C12orf54: variants seen among roughly 807,000 people sequenced by gnomAD.
C12orf54 encodes the protein uncharacterized protein C12orf54.
In C12orf54, 24 loss-of-function variants were observed where a neutral mutation model predicts 26.4. The observed-to-expected ratio is 0.91, with a 90% CI of 0.66 to 1.28. The LOEUF (loss-of-function observed/expected upper bound fraction) is 1.28, where lower values mean the gene tolerates loss of function less well. Among genes scored for constraint, C12orf54 ranks in the 50% most tolerant of loss-of-function variants. The probability of loss-of-function intolerance (pLI) is 0.00; values close to 1 mark genes in which losing one functional copy is unlikely to be tolerated. For missense variants in C12orf54, 154 were observed against 150.9 expected (o/e 1.02, Z -0.11); for synonymous variants, 54 against 47.0 (o/e 1.15, Z -0.61).
intron 8 of C12orf54, 65 bp downstream of exon 8, chr12:48,495,044 A>G (rs1250789790): frequency 1.7e-5 from 21 of 1,217,050 alleles, no homozygotes; most frequent in Admixed American, 4.1e-5. Flanking sequence ...TCAGGAACCC[A>G]GGCCTCTTAG....
At chr12:48,453,404 G>A in the C12orf54 span, among the ~76,000 whole-genome samples, 1 of 151,172 alleles carries the variant, frequency 6.6e-6, no homozygotes, top group Non-Finnish European at 1.5e-5. Flanking sequence ...CTTAATACCT[G>A]GGTGATGAGA....
At chr12:48,464,174 A>G in the C12orf54 span, among the ~76,000 whole-genome samples, 10 of 152,144 alleles carry the variant, frequency 6.6e-5, no homozygotes, top group South Asian at 2.1e-4. Context: ...ATATTTAGAA[A>G]ACCCTATAGT....
At chr12:48,489,403 A>G (rs958447091) in intron 5 of C12orf54, 3 of 281,626 alleles carry the variant, frequency 1.1e-5, no homozygotes, top group African/African-American at 2.2e-5. Context: ...CTCTTCTTCT[A>G]TAGATTTCAG....
the C12orf54 span, among the ~76,000 whole-genome samples, chr12:48,439,780 G>T: frequency 6.6e-6 from 1 of 152,044 alleles, no homozygotes; most frequent in Non-Finnish European, 1.5e-5. Flanking sequence ...ATAGCATTAG[G>T]AGATATACCT....
the C12orf54 span, among the ~76,000 whole-genome samples, chr12:48,451,224 A>T: frequency 6.6e-6 from 1 of 152,180 alleles, no homozygotes; most frequent in East Asian, 1.9e-4. Flanking sequence ...GAGAATTAAG[A>T]CAAAAACCAC....
At chr12:48,461,462 T>A in the C12orf54 span, among the ~76,000 whole-genome samples, 1 of 151,906 alleles carries the variant, frequency 6.6e-6, no homozygotes, top group African/African-American at 2.4e-5. Flanking sequence ...ATGGAATATT[T>A]TCTGAGAGAG....
chr12:48,468,526 T>C, the C12orf54 span, among the ~76,000 whole-genome samples: 4 of 152,252 alleles, frequency 2.6e-5, no homozygotes, highest in East Asian at 1.9e-4. Context: ...ACACATTTTA[T>C]GTATAAAGAT....
chr12:48,475,963 A>C, the C12orf54 span, among the ~76,000 whole-genome samples: 1 of 151,814 alleles, frequency 6.6e-6, no homozygotes, highest in Non-Finnish European at 1.5e-5. Flanking sequence ...CCAAAGTTGA[A>C]ATGAAGGAAA....
At chr12:48,464,092 G>A in the C12orf54 span, among the ~76,000 whole-genome samples, 1 of 152,030 alleles carries the variant, frequency 6.6e-6, no homozygotes. Context: ...TCAGGAAAGA[G>A]AAAGAAATAA....
the C12orf54 span, among the ~76,000 whole-genome samples, chr12:48,456,479 G>A: frequency 2.0e-5 from 3 of 152,186 alleles, no homozygotes; most frequent in African/African-American, 7.2e-5. Context: ...AACCAGTTTA[G>A]TAAAGGAAGA....
At chr12:48,452,056 G>T in the C12orf54 span, among the ~76,000 whole-genome samples, 2 of 152,104 alleles carry the variant, frequency 1.3e-5, no homozygotes, top group African/African-American at 4.8e-5. Context: ...AACAAAGCTG[G>T]AAGTATCACT....
chr12:48,416,076 C>A, the C12orf54 span, among the ~76,000 whole-genome samples: 1 of 152,160 alleles, frequency 6.6e-6, no homozygotes, highest in African/African-American at 2.4e-5. Context: ...AAAACATATT[C>A]CAAATTTCTC....
intron 4 of C12orf54, chr12:48,487,905 A>T: frequency 1.7e-6 from 1 of 590,608 alleles, no homozygotes; most frequent in Middle Eastern, 4.5e-4. Flanking sequence ...TGGTTTTATA[A>T]GAAACTGCCA....
chr12:48,443,268 T>C, the C12orf54 span, among the ~76,000 whole-genome samples: 4 of 152,250 alleles, frequency 2.6e-5, no homozygotes, highest in East Asian at 1.9e-4. Flanking sequence ...AATGATCTAA[T>C]AGGGAGAGAT....
the C12orf54 span, among the ~76,000 whole-genome samples, chr12:48,431,610 C>A: frequency 6.6e-6 from 1 of 152,044 alleles, no homozygotes; most frequent in African/African-American, 2.4e-5. Flanking sequence ...AAAAAATTTT[C>A]TCAACAAGAC....
the C12orf54 span, among the ~76,000 whole-genome samples, chr12:48,463,145 C>T: frequency 6.6e-6 from 1 of 151,762 alleles, no homozygotes; most frequent in Non-Finnish European, 1.5e-5. Flanking sequence ...ACAATAGCAT[C>T]AAGAAATATT....
chr12:48,494,938 A>C lies in C12orf54; in HGVS notation c.383A>C (p.Ter128SerextTer77), dbSNP rs1478335390. 1 of 1,612,888 alleles carries C rather than the reference A, an allele frequency of 6.2e-7. No homozygotes were observed. Among genetic ancestry groups the C allele is most frequent in the Admixed American group, 1.7e-5 (1 of 59,974 alleles). Residue 128 changes from the stop codon to serine, a stop_lost, in exon 8 of 9, where the codon TAA (stop) becomes TCA (serine). Transcript: ENST00000548364. ...CAATCAGCTTACTACCCTGGACCCT[A>C]ACTCTACAATCAAGGAAGAAGGACA... is the stretch of plus-strand genomic sequence containing the variant. ...FSQSAYYPGP[*>S]
At chr12:48,443,723 C>A in the C12orf54 span, among the ~76,000 whole-genome samples, 20 of 150,250 alleles carry the variant, frequency 1.3e-4, no homozygotes, top group Non-Finnish European at 2.4e-4. Context: ...TACCTACTAA[C>A]CCTAAAGTGT....
the C12orf54 span, among the ~76,000 whole-genome samples, chr12:48,459,364 G>T: frequency 6.6e-6 from 1 of 151,928 alleles, no homozygotes; most frequent in East Asian, 1.9e-4. Context: ...CCAACGGAAA[G>T]TGAGTGGCGG....
Sources: gnomAD v4.1 joint callset for allele counts (sites outside exome capture counted in the v4.1 genomes callset) on GRCh38, gnomAD v4.1.1 for gene constraint, MANE v1.5 for transcripts, NCBI Gene and HGNC (gene_info 2026-07-23, HGNC 2026-07-21) for gene names.